The following MAPKAPK2 variants were observed in gnomAD, a reference collection of about 807,000 sequenced individuals.
MAPKAPK2 encodes the protein MAPK activated protein kinase 2.
MAPKAPK2 carries 9 observed loss-of-function variants against 48.8 expected under a neutral mutation model. The observed-to-expected ratio is 0.18, with a 90% confidence interval of 0.11 to 0.32. The LOEUF is 0.32. Ranked by LOEUF, MAPKAPK2 falls within the 10% of genes least tolerant of loss-of-function variation. The pLI is 1.00. For synonymous variants in MAPKAPK2, 202 were observed against 190.6 expected (o/e 1.06, Z -0.49); for missense variants, 331 against 498.3 (o/e 0.66, Z 3.20).
intron 1 of MAPKAPK2, among the ~76,000 whole-genome samples, chr1:206,725,089 T>C (rs1271597185): frequency 6.6e-6 from 1 of 152,246 alleles, no homozygotes; most frequent in African/African-American, 2.4e-5. Context: ...AGGTTCACTG[T>C]GCTACATCCG....
chr1:206,690,411 C>T (rs782228386), intron 1 of MAPKAPK2, among the ~76,000 whole-genome samples: 1 of 152,174 alleles, frequency 6.6e-6, no homozygotes, highest in African/African-American at 2.4e-5. Context: ...AGCTAAGATA[C>T]GGGATCAGTG....
At chr1:206,712,432 A>G (rs1553429626) in intron 1 of MAPKAPK2, among the ~76,000 whole-genome samples, 1 of 152,190 alleles carries the variant, frequency 6.6e-6, no homozygotes, top group African/African-American at 2.4e-5. Flanking sequence ...GCTCTCATTC[A>G]TGTTATAAAG....
intron 1 of MAPKAPK2, chr1:206,695,772 C>CT (rs1553426935): frequency 9.0e-3 from 472 of 52,272 alleles, no homozygotes; most frequent in South Asian, 0.023. Context: ...CTCTCTCTCT[C>CT]TTTTTTTTTT....
chr1:206,729,562 C>G, intron 4 of MAPKAPK2, 87 bp downstream of exon 4: 3 of 1,145,586 alleles, frequency 2.6e-6, no homozygotes, highest in South Asian at 1.3e-5. Context: ...GCCAGGCCAC[C>G]CTGCGTCCTT....
chr1:206,693,360 C>G (rs575649662), intron 1 of MAPKAPK2, among the ~76,000 whole-genome samples: 77 of 152,294 alleles, frequency 5.1e-4, no homozygotes, highest in African/African-American at 1.5e-3. Context: ...CTGCTTGCCC[C>G]TTTCTCTTCC....
At chr1:206,697,489 G>A (rs1397935359) in intron 1 of MAPKAPK2, among the ~76,000 whole-genome samples, 6 of 152,062 alleles carry the variant, frequency 3.9e-5, no homozygotes, top group Admixed American at 6.6e-5. Context: ...CATGGGGGAA[G>A]TTGAAGGGGG....
At chr1:206,703,235 C>G (rs1672853871) in intron 1 of MAPKAPK2, among the ~76,000 whole-genome samples, 1 of 152,218 alleles carries the variant, frequency 6.6e-6, no homozygotes, top group African/African-American at 2.4e-5. Context: ...AGAGGCAAAA[C>G]TGGTATTTAA....
At chr1:206,687,613 C>G (rs1206916697) in intron 1 of MAPKAPK2, among the ~76,000 whole-genome samples, 3 of 152,218 alleles carry the variant, frequency 2.0e-5, no homozygotes, top group African/African-American at 7.2e-5. Flanking sequence ...CAAATATTGG[C>G]TGAGACATAA....
Position 206,685,524 on chromosome 1 carries a change from G to A in MAPKAPK2, c.279+16G>A, listed in dbSNP as rs782660184. 1 of 1,492,952 alleles carries A rather than the reference G, an allele frequency of 6.7e-7. No individual in the cohort carries two copies. Among genetic ancestry groups the A allele is most frequent in the Non-Finnish European group, 9.0e-7 (1 of 1,114,342 alleles). 92.5% of individuals were successfully genotyped at this position (1,492,952 alleles called of 1,614,324 possible). ...CGCCCTCAAAGTAGGTCTGGGGCCC[G>A]GGGAGGGGAGGCGGGGCCGGTCCCG... On this transcript the variant is annotated intron_variant, in intron 1 of 9. Coordinates refer to ENST00000367103, the MANE Select transcript of MAPKAPK2 (RefSeq NM_032960.4).
chr1:206,702,181 AGT>A (rs1446291497), intron 1 of MAPKAPK2, among the ~76,000 whole-genome samples: 1 of 152,178 alleles, frequency 6.6e-6, no homozygotes, highest in African/African-American at 2.4e-5. Flanking sequence ...CTGTTGTTAA[AGT>A]TCTATGTTTT....
At chr1:206,701,760 G>A (rs2102386406) in intron 1 of MAPKAPK2, among the ~76,000 whole-genome samples, 1 of 150,264 alleles carries the variant, frequency 6.7e-6, no homozygotes, top group Non-Finnish European at 1.5e-5. Flanking sequence ...CTTGAGCCTG[G>A]GAGGCCAAGG....
chr1:206,725,937 A>G (rs1236404559), intron 1 of MAPKAPK2, among the ~76,000 whole-genome samples: 2 of 152,144 alleles, frequency 1.3e-5, no homozygotes, highest in Admixed American at 1.3e-4. Context: ...GGACTGCTCT[A>G]TTTGGTTTTG....
intron 1 of MAPKAPK2, among the ~76,000 whole-genome samples, chr1:206,713,128 C>G (rs1386528997): frequency 6.6e-6 from 1 of 152,190 alleles, no homozygotes; most frequent in Non-Finnish European, 1.5e-5. Context: ...AAGACATTGT[C>G]CCAGCTTCCA....
In MAPKAPK2 at chr1:206,732,077, C is replaced by G; in HGVS notation, c.1059+158C>G. The G allele has an allele frequency of 6.2e-7, 1 of 1,614,184 alleles. No homozygotes were observed. Among genetic ancestry groups the G allele is most frequent in the Non-Finnish European group, 8.5e-7 (1 of 1,180,022 alleles). On this transcript the variant is annotated intron_variant, in intron 9 of 9. Transcript: ENST00000367103. The surrounding 1 kb of genome is among the most constrained non-coding windows in gnomAD (Gnocchi z 4.4). ...CAAGAACAGCGACCAGGCCACTTGG[C>G]TGACCAGGTTGTGAGCAGAGGATTC...
chr1:206,728,569 G>T, intron 1 of MAPKAPK2, 141 bp from the exon 2 acceptor site: 1 of 871,580 alleles, frequency 1.1e-6, no homozygotes, highest in Non-Finnish European at 1.7e-6. Context: ...CTCAGGAAAT[G>T]TGCCAAGGGG....
chr1:206,728,595 C>A, intron 1 of MAPKAPK2, 115 bp from the exon 2 acceptor site: 5 of 1,219,708 alleles, frequency 4.1e-6, no homozygotes, highest in Non-Finnish European at 5.7e-6. Flanking sequence ...TGGGGGGGGC[C>A]AGCAGGAGTG....
At chr1:206,700,279 G>T (rs1672759998) in intron 1 of MAPKAPK2, among the ~76,000 whole-genome samples, 1 of 152,072 alleles carries the variant, frequency 6.6e-6, no homozygotes, top group Non-Finnish European at 1.5e-5. Flanking sequence ...CCTCTCCTTT[G>T]TCCTCCAGGT....
intron 1 of MAPKAPK2, among the ~76,000 whole-genome samples, chr1:206,709,477 A>G (rs1446027764): frequency 6.6e-6 from 1 of 152,174 alleles, no homozygotes; most frequent in Non-Finnish European, 1.5e-5. Flanking sequence ...TAGGTACTTG[A>G]TCTGTGAGCT....
At chr1:206,693,769 T>C (rs1470628260) in intron 1 of MAPKAPK2, among the ~76,000 whole-genome samples, 2 of 152,226 alleles carry the variant, frequency 1.3e-5, no homozygotes, top group African/African-American at 4.8e-5. Context: ...GTTGCTACGT[T>C]ATATTCTCCA....
Sources: gnomAD v4.1 joint callset for allele counts (sites outside exome capture counted in the v4.1 genomes callset) on GRCh38, gnomAD v4.1.1 for gene constraint, Gnocchi (gnomAD v3.1) non-coding constraint, MANE v1.5 for transcripts, NCBI Gene and HGNC (gene_info 2026-07-23, HGNC 2026-07-21) for gene names.